CDK14: variants seen among roughly 807,000 people sequenced by gnomAD.
The protein encoded by CDK14 is cyclin dependent kinase 14, also known as cyclin-dependent kinase 14.
CDK14 carries 34 observed loss-of-function variants against 60.7 expected under a neutral mutation model. The ratio of observed to expected loss-of-function variants is 0.56; its 90% confidence interval spans 0.43 to 0.75. CDK14 has a LOEUF of 0.75. CDK14 is among the 30% of genes least tolerant of loss of function. CDK14 has a pLI of 0.00. For synonymous variants in CDK14, 197 were observed against 203.7 expected (o/e 0.97, Z 0.28); for missense variants, 482 against 564.1 (o/e 0.85, Z 1.47).
intron 2 of CDK14, among the ~76,000 whole-genome samples, chr7:90,607,234 A>G (rs1418374019): frequency 1.3e-5 from 2 of 152,128 alleles, no homozygotes; most frequent in Admixed American, 6.6e-5. Context: ...CTTGTTTTTT[A>G]CCTTCTCTCT....
intron 2 of CDK14, among the ~76,000 whole-genome samples, chr7:90,647,270 C>T (rs529774097): frequency 2.6e-5 from 4 of 152,224 alleles, no homozygotes; most frequent in Non-Finnish European, 5.9e-5. Context: ...CTAGTCCCAC[C>T]TTCCAATTGG....
chr7:90,896,480 G>A (rs760312179), intron 6 of CDK14, among the ~76,000 whole-genome samples: 2 of 151,832 alleles, frequency 1.3e-5, no homozygotes, highest in South Asian at 2.1e-4. Flanking sequence ...TTCTTATTCC[G>A]AATTTTTATT....
intron 2 of CDK14, among the ~76,000 whole-genome samples, chr7:90,619,954 A>G (rs1304114179): frequency 6.6e-6 from 1 of 152,082 alleles, no homozygotes; most frequent in African/African-American, 2.4e-5. Flanking sequence ...CGAGATTGTG[A>G]CCCTGTACTC....
intron 3 of CDK14, among the ~76,000 whole-genome samples, chr7:90,727,738 A>G (rs886703546): frequency 1.3e-5 from 2 of 152,150 alleles, no homozygotes; most frequent in African/African-American, 4.8e-5. Context: ...AACAAATCAG[A>G]TAATCTATCA....
At chr7:90,755,216 A>G (rs1205948326) in intron 4 of CDK14, among the ~76,000 whole-genome samples, 4 of 152,252 alleles carry the variant, frequency 2.6e-5, no homozygotes, top group African/African-American at 7.2e-5. Flanking sequence ...GTCAACCTAC[A>G]TGCCCATCAG....
rs1043670058 is a variant in CDK14, at chr7:91,187,377, C to G, written c.*29-19788C>G. Among the ~76,000 whole-genome samples, 42 of 152,324 alleles carry G rather than the reference C, an allele frequency of 2.8e-4. 1 individual carries two copies. The highest frequency in any genetic ancestry group is 2.5e-3 in the Admixed American group (39 of 15,300). On this transcript the variant is annotated intron_variant, in intron 14 of 14. Coordinates refer to ENST00000380050, the MANE Select transcript of CDK14 (RefSeq NM_001287135.2). ...GGTCAGCAACTTCTTCCAAACATTT[C>G]TGAACAGAGTGTTCTTTTCACCATT...
At chr7:91,088,237 C>T (rs1031959475) in intron 12 of CDK14, among the ~76,000 whole-genome samples, 3 of 152,182 alleles carry the variant, frequency 2.0e-5, no homozygotes, top group Non-Finnish European at 4.4e-5. Context: ...CATGCCATAT[C>T]TGTTGTGGTG....
chr7:90,944,878 G>A (rs570678397), intron 8 of CDK14, among the ~76,000 whole-genome samples: 2 of 152,180 alleles, frequency 1.3e-5, no homozygotes, highest in Non-Finnish European at 2.9e-5. Context: ...ACAGAGGAAC[G>A]TTCATTACCT....
At chr7:90,652,038 C>T (rs530394559) in intron 2 of CDK14, among the ~76,000 whole-genome samples, 1 of 152,316 alleles carries the variant, frequency 6.6e-6, no homozygotes, top group African/African-American at 2.4e-5. Context: ...CTCACAGACA[C>T]TGCTCACCAG....
At chr7:91,017,097 T>C (rs1003178050) in intron 10 of CDK14, among the ~76,000 whole-genome samples, 1 of 152,204 alleles carries the variant, frequency 6.6e-6, no homozygotes, top group African/African-American at 2.4e-5. Flanking sequence ...TGAGCAAAAA[T>C]AATTTAAGTA....
At chr7:90,655,989 C>T (rs1800743837) in intron 2 of CDK14, among the ~76,000 whole-genome samples, 1 of 152,180 alleles carries the variant, frequency 6.6e-6, no homozygotes, top group Non-Finnish European at 1.5e-5. Context: ...TGAGGCCTGT[C>T]TCTGCAGCCT....
intron 2 of CDK14, among the ~76,000 whole-genome samples, chr7:90,644,090 T>A (rs1800407662): frequency 6.6e-6 from 1 of 152,194 alleles, no homozygotes; most frequent in Non-Finnish European, 1.5e-5. Flanking sequence ...CAGAGAACTC[T>A]CTCTCCCTCT....
intron 4 of CDK14, among the ~76,000 whole-genome samples, chr7:90,771,038 C>T (rs908797310): frequency 2.0e-5 from 3 of 152,160 alleles, no homozygotes; most frequent in Non-Finnish European, 4.4e-5. Context: ...CATGTTATGT[C>T]CGCTTAGCAA....
chr7:90,832,403 G>T (rs1342831301), intron 5 of CDK14, among the ~76,000 whole-genome samples: 3 of 152,116 alleles, frequency 2.0e-5, no homozygotes, highest in Admixed American at 1.3e-4. Context: ...ACCCCAATGA[G>T]AACACTGTTA....
chr7:90,825,273 G>A (rs1789683569), intron 5 of CDK14, among the ~76,000 whole-genome samples: 1 of 152,184 alleles, frequency 6.6e-6, no homozygotes, highest in African/African-American at 2.4e-5. Context: ...GTGTTTATAT[G>A]TAAGTGAGCA....
intron 14 of CDK14, among the ~76,000 whole-genome samples, chr7:91,173,177 CA>C (rs5885758): frequency 0.96 from 146,481 of 152,292 alleles, 70,475 homozygotes; most frequent in East Asian, 1. Context: ...GAAAAGCCTC[CA>C]TGTAATCAAA....
At chr7:90,613,423 T>C (rs373441241) in intron 2 of CDK14, among the ~76,000 whole-genome samples, 94 of 152,118 alleles carry the variant, frequency 6.2e-4, no homozygotes, top group African/African-American at 1.8e-3. Context: ...AAAGCTGACC[T>C]TTGGGCCGGG....
chr7:91,007,124 C>T (rs1227688551), intron 10 of CDK14, among the ~76,000 whole-genome samples: 2 of 152,084 alleles, frequency 1.3e-5, no homozygotes, highest in African/African-American at 4.8e-5. Context: ...CTCCAGAACT[C>T]TTGAACCAGT....
At chr7:91,073,082 T>C (rs746955515) in intron 11 of CDK14, among the ~76,000 whole-genome samples, 5 of 152,112 alleles carry the variant, frequency 3.3e-5, no homozygotes, top group Non-Finnish European at 7.4e-5. Flanking sequence ...TGGAACCAAG[T>C]TGGAAAACAC....
Sources: gnomAD v4.1 joint callset for allele counts (sites outside exome capture counted in the v4.1 genomes callset) on GRCh38, gnomAD v4.1.1 for gene constraint, MANE v1.5 for transcripts, NCBI Gene and HGNC (gene_info 2026-07-23, HGNC 2026-07-21) for gene names.